The following GRIN2A variants were observed in gnomAD, a reference collection of about 807,000 sequenced individuals.
GRIN2A encodes glutamate receptor ionotropic, NMDA 2A.
Under a neutral mutation model 113.4 loss-of-function variants are expected in GRIN2A, and 22 were observed. The ratio of observed to expected loss-of-function variants is 0.19; its 90% CI spans 0.14 to 0.28. The LOEUF is 0.28. Among genes scored for constraint, GRIN2A ranks in the 10% least tolerant of loss-of-function variants. GRIN2A has a pLI of 1.00. For synonymous variants in GRIN2A, 827 were observed against 738.4 expected (o/e 1.12, Z -1.94); for missense variants, 1,502 against 1,887.0 (o/e 0.80, Z 3.78).
chr16:9,949,045 T>A (rs1432843045), intron 2 of GRIN2A, among the ~76,000 whole-genome samples: 1 of 152,164 alleles, frequency 6.6e-6, no homozygotes, highest in African/African-American at 2.4e-5. Context: ...GGTAGGGGAC[T>A]AATGTGGGAG....
In GRIN2A at chr16:10,115,916, C is replaced by A. The variant is rs533816334; in HGVS notation, c.414+64082G>T. 2.6e-5 allele frequency among the ~76,000 whole-genome samples: 4 copies of A among 152,264 alleles called. No homozygotes were observed. The East Asian group carries it at 7.7e-4, about 29-fold the overall frequency. The stretch of plus-strand genomic sequence containing the variant: ...CATTGTGGAAGACAGTGTAGTGATT[C>A]TTCTAAGATCTAGAACCAGAAATAC... On this transcript the variant is annotated intron_variant, in intron 2 of 12. Transcript: ENST00000330684.
chr16:9,944,347 T>C (rs556131681), intron 2 of GRIN2A, among the ~76,000 whole-genome samples: 4 of 152,256 alleles, frequency 2.6e-5, no homozygotes, highest in East Asian at 3.9e-4. Flanking sequence ...AGGATTCAGA[T>C]GGATAGCATT....
intron 3 of GRIN2A, among the ~76,000 whole-genome samples, chr16:9,909,017 T>C (rs1250999190): frequency 6.6e-6 from 1 of 152,168 alleles, no homozygotes; most frequent in Non-Finnish European, 1.5e-5. Context: ...AGTCTGTTTT[T>C]CACACTGCTG....
intron 2 of GRIN2A, among the ~76,000 whole-genome samples, chr16:10,081,254 T>C (rs2047975241): frequency 6.6e-6 from 1 of 152,212 alleles, no homozygotes; most frequent in African/African-American, 2.4e-5. Flanking sequence ...GCTGATGCCC[T>C]GGATTAAGGT....
chr16:10,076,050 A>G (rs990233123), intron 2 of GRIN2A, among the ~76,000 whole-genome samples: 6 of 152,084 alleles, frequency 3.9e-5, no homozygotes, highest in African/African-American at 1.2e-4. Flanking sequence ...AAATGCGCCC[A>G]TTGTGCTACC....
At chr16:10,077,291 G>A (rs1204502495) in intron 2 of GRIN2A, among the ~76,000 whole-genome samples, 1 of 152,180 alleles carries the variant, frequency 6.6e-6, no homozygotes, top group African/African-American at 2.4e-5. Context: ...TAGCAGCAAA[G>A]GGAAAAAATA....
chr16:9,782,277 A>G (rs1167918935), intron 11 of GRIN2A, among the ~76,000 whole-genome samples: 1 of 152,220 alleles, frequency 6.6e-6, no homozygotes, highest in African/African-American at 2.4e-5. Flanking sequence ...ATTAGGTATT[A>G]TAAGTAAACT....
intron 4 of GRIN2A, among the ~76,000 whole-genome samples, chr16:9,873,253 T>G (rs1185158629): frequency 6.6e-6 from 1 of 152,162 alleles, no homozygotes; most frequent in Non-Finnish European, 1.5e-5. Context: ...CAATGTATGT[T>G]ATTTGTGAGA....
chr16:9,940,988 A>AAT (rs2141642529), intron 2 of GRIN2A, among the ~76,000 whole-genome samples: 1 of 152,274 alleles, frequency 6.6e-6, no homozygotes, highest in African/African-American at 2.4e-5. Context: ...ATGGGGCAAA[A>AAT]ATGTTCTAAA....
intron 2 of GRIN2A, among the ~76,000 whole-genome samples, chr16:10,040,756 G>T (rs1002166893): frequency 6.6e-6 from 1 of 152,130 alleles, no homozygotes; most frequent in South Asian, 2.1e-4. Context: ...ACACACCCAC[G>T]CAACCCTCAC....
chr16:9,794,274 A>G (rs143334849), intron 11 of GRIN2A, among the ~76,000 whole-genome samples: 11 of 152,330 alleles, frequency 7.2e-5, no homozygotes, highest in African/African-American at 2.6e-4. Context: ...ACTCCATTCA[A>G]AGGTTATATT....
intron 2 of GRIN2A, among the ~76,000 whole-genome samples, chr16:10,018,465 C>A (rs837700): frequency 0.039 from 5,873 of 152,216 alleles, 397 homozygotes; most frequent in African/African-American, 0.13. Context: ...AAAGGGGAGT[C>A]CAGCAGCTGC....
chr16:9,818,217 C>G (rs2042220410), intron 10 of GRIN2A, among the ~76,000 whole-genome samples: 1 of 151,894 alleles, frequency 6.6e-6, no homozygotes, highest in African/African-American at 2.4e-5. Context: ...TGAGAAGACA[C>G]AATCAACACA....
At chr16:9,996,568 G>C (rs529197212) in intron 2 of GRIN2A, among the ~76,000 whole-genome samples, 1 of 152,302 alleles carries the variant, frequency 6.6e-6, no homozygotes, top group Admixed American at 6.5e-5. Context: ...AGCAGATTGT[G>C]GTGGGCACAC....
At chr16:10,171,114 C>A (rs1175581690) in intron 2 of GRIN2A, among the ~76,000 whole-genome samples, 1 of 152,128 alleles carries the variant, frequency 6.6e-6, no homozygotes, top group Non-Finnish European at 1.5e-5. Flanking sequence ...TGTCTTGCAT[C>A]TGAGCCCCTT....
At chr16:10,088,447 A>G (rs1319767697) in intron 2 of GRIN2A, among the ~76,000 whole-genome samples, 1 of 152,206 alleles carries the variant, frequency 6.6e-6, no homozygotes, top group Admixed American at 6.5e-5. Flanking sequence ...CTCTGTGCTC[A>G]GGGCTGTGAG....
rs562966275 is a variant in GRIN2A at position 9,986,782 on chromosome 16, A to G, written c.415-48231T>C. On this transcript the variant is annotated intron_variant, in intron 2 of 12. Transcript: ENST00000330684. ...GCTGTCTCAAAAAAAAAAAAAAAAA[A>G]AAGAAGAAAATGTTTATTTTGTCAG... Among the ~76,000 whole-genome samples the G allele has an allele frequency of 5.3e-3, 796 of 151,398 alleles. 3 individuals carry two copies. Among genetic ancestry groups the G allele is most frequent in the Non-Finnish European group, 8.2e-3 (555 of 67,770 alleles).
chr16:10,002,964 C>T (rs1474779057), intron 2 of GRIN2A, among the ~76,000 whole-genome samples: 1 of 152,166 alleles, frequency 6.6e-6, no homozygotes, highest in Non-Finnish European at 1.5e-5. Flanking sequence ...TTCATCAGTA[C>T]TTTGTAAAAT....
intron 2 of GRIN2A, among the ~76,000 whole-genome samples, chr16:10,034,361 C>A (rs918756026): frequency 2.0e-5 from 3 of 151,630 alleles, no homozygotes; most frequent in African/African-American, 4.8e-5. Flanking sequence ...CCTATCTCTA[C>A]TAAAAATCCA....
Sources: gnomAD v4.1 joint callset for allele counts (sites outside exome capture counted in the v4.1 genomes callset) on GRCh38, gnomAD v4.1.1 for gene constraint, MANE v1.5 for transcripts, NCBI Gene and HGNC (gene_info 2026-07-23, HGNC 2026-07-21) for gene names.